The following AACS variants were observed in gnomAD, a reference collection of about 807,000 sequenced individuals.
AACS encodes acetoacetate-CoA ligase.
In AACS, 69 loss-of-function variants were observed where a neutral mutation model predicts 83.1. The ratio of observed to expected loss-of-function variants is 0.83; its 90% CI spans 0.68 to 1.01. The LOEUF is 1.01. Ranked by LOEUF, AACS falls within the 50% of genes least tolerant of loss-of-function variation. The probability of loss-of-function intolerance (pLI) is 0.00; values close to 1 mark genes in which losing one functional copy is unlikely to be tolerated. For missense variants in AACS, 866 were observed against 882.2 expected, an observed-to-expected ratio of 0.98 and a Z score of 0.23; for synonymous variants, 333 against 343.4, an observed-to-expected ratio of 0.97 and a Z score of 0.33.
rs11058042 is a variant in AACS, at chr12:125,130,698, C to T, written c.1549+1238C>T. ...CTTGGAGAAGACAAGTACTTTGTGA[C>T]GTGTTATATTTCCATTTTTGCCTTG... On this transcript the variant is annotated intron_variant, in intron 14 of 17. Transcript: ENST00000316519. The surrounding 1 kb of genome is among the most constrained non-coding windows in gnomAD (Gnocchi z 4.9). 0.1 allele frequency among the ~76,000 whole-genome samples: 15,620 copies of T among 152,128 alleles called. 1,090 individuals are homozygous for T. Among genetic ancestry groups the T allele is most frequent in the Non-Finnish European group, 0.16 (10,565 of 68,006 alleles).
At chr12:125,068,192 C>T (rs555730109) in intron 1 of AACS, among the ~76,000 whole-genome samples, 2 of 152,218 alleles carry the variant, frequency 1.3e-5, no homozygotes, top group South Asian at 2.1e-4. Context: ...CGTGGTGGCT[C>T]ACACCTGTAA....
intron 1 of AACS, among the ~76,000 whole-genome samples, chr12:125,068,407 C>T (rs139706428): frequency 3.9e-5 from 6 of 152,008 alleles, no homozygotes; most frequent in African/African-American, 1.5e-4. Context: ...CGCAGTGAGC[C>T]GAGATCTCGC....
intron 7 of AACS, among the ~76,000 whole-genome samples, chr12:125,104,321 G>A (rs1350875923): frequency 6.6e-6 from 1 of 152,232 alleles, no homozygotes; most frequent in Non-Finnish European, 1.5e-5. Context: ...AAGAGAGGAG[G>A]AGATGGCGGA....
In AACS at chr12:125,076,593, G is replaced by T; in HGVS notation, c.340G>T (p.Val114Phe). 6.2e-7 allele frequency: 1 copy of T among 1,614,186 alleles called. No individual in the cohort carries two copies. Among genetic ancestry groups the T allele is most frequent in the Non-Finnish European group, 8.5e-7 (1 of 1,180,018 alleles). Residue 114 changes from valine (V) to phenylalanine (F), a missense_variant, in exon 3 of 18, where the codon GTT becomes TTT. By Grantham distance (50) the Val-to-Phe change is conservative. Transcript: ENST00000316519. ...CCTGCGGCACAAAGAGAATGACAGA[G>T]TTGCCCTTTACATTGCAAGTAAGTC... ...NLLRHKENDR[V>F]ALYIAREGKE...
chr12:125,128,159 A>G lies in AACS; in HGVS notation c.1310-2A>G. 1 of 1,606,228 alleles carries G rather than the reference A, an allele frequency of 6.2e-7. No individual in the cohort carries two copies. Among genetic ancestry groups the G allele is most frequent in the Non-Finnish European group, 8.5e-7 (1 of 1,174,788 alleles). On this transcript the variant is annotated splice_acceptor_variant, in intron 12 of 17. Coordinates refer to ENST00000316519, the MANE Select transcript of AACS (RefSeq NM_023928.5). LOFTEE classifies it high-confidence loss of function. ...TGAGTCTCCCTTTGCCATTGCTTGCAGGAGGCACCGACATCATCTCCTGCT... is the reference window on the plus strand; with the variant it reads ...TGAGTCTCCCTTTGCCATTGCTTGCGGGAGGCACCGACATCATCTCCTGCT...
At chr12:125,070,158 G>A (rs1020251317) in intron 1 of AACS, among the ~76,000 whole-genome samples, 2 of 152,194 alleles carry the variant, frequency 1.3e-5, no homozygotes, top group Admixed American at 6.5e-5. Context: ...TGAAGGTGCT[G>A]TATAAACTGC....
rs1288661168 is a variant in AACS, at chr12:125,113,103, G to A, written c.916-1374G>A. Among the ~76,000 whole-genome samples, 1 of 152,198 alleles carries A rather than the reference G, an allele frequency of 6.6e-6. No individual in the cohort carries two copies. Among genetic ancestry groups the A allele is most frequent in the Non-Finnish European group, 1.5e-5 (1 of 68,048 alleles). On this transcript the variant is annotated intron_variant, in intron 8 of 17. Transcript: ENST00000316519. The surrounding 1 kb of genome is among the most constrained non-coding windows in gnomAD (Gnocchi z 4.8). ...GTTGCTGCTGTTTGTGGGCTGGGTGGCGGTTGCCTGTTTGGGATGGACTCC... is the reference window on the plus strand; with the variant it reads ...GTTGCTGCTGTTTGTGGGCTGGGTGACGGTTGCCTGTTTGGGATGGACTCC...
At chr12:125,136,444 C>G (rs1163155592) in intron 16 of AACS, among the ~76,000 whole-genome samples, 2 of 152,094 alleles carry the variant, frequency 1.3e-5, no homozygotes, top group African/African-American at 4.8e-5. Flanking sequence ...GAAGCTCTCT[C>G]TGCCTCCCCA....
chr12:125,108,795 G>A (rs1370683643), intron 8 of AACS, among the ~76,000 whole-genome samples: 1 of 150,500 alleles, frequency 6.6e-6, no homozygotes, highest in Admixed American at 6.6e-5. Context: ...AGTCTCCCAT[G>A]TAGCTGGGAT....
chr12:125,105,431 G>C (rs968554558), intron 7 of AACS: 1 of 152,216 alleles, frequency 6.6e-6, no homozygotes, highest in Non-Finnish European at 1.5e-5. Context: ...ATAACCAGGT[G>C]CCAGAGCGCT....
chr12:125,102,611 C>T (rs746068248), intron 5 of AACS, 68 bp from the exon 6 acceptor site: 46 of 1,343,808 alleles, frequency 3.4e-5, no homozygotes, highest in South Asian at 1.9e-4. Flanking sequence ...ACTACAGGCA[C>T]CCACCACCAT....
intron 4 of AACS, chr12:125,090,948 G>A (rs771184960): frequency 3.8e-5 from 7 of 186,206 alleles, no homozygotes; most frequent in Non-Finnish European, 8.1e-5. Flanking sequence ...TAACTAGTTG[G>A]GGGACCTGAG....
At chr12:125,120,257 T>A (rs1401327691) in intron 10 of AACS, 1 of 152,214 alleles carries the variant, frequency 6.6e-6, no homozygotes, top group Non-Finnish European at 1.5e-5. Context: ...TTCTGGCCAC[T>A]GTGGTCTTGG....
At chr12:125,124,273 G>A (rs984806513) in intron 10 of AACS, 1 of 161,960 alleles carries the variant, frequency 6.2e-6, no homozygotes, top group Admixed American at 5.8e-5. Context: ...CCAGCTTGGG[G>A]CAACAGAAGG....
In AACS at chr12:125,134,707, T is replaced by TG. The variant is rs1156318335; in HGVS notation, c.1620-81dup. Reference sequence around the variant, plus strand: ...AGTCCTGGGGGATGCCATGGGAAAGTGGGGGGTGACTGCCCTCCCGTGGGA... The same window carrying TG: ...AGTCCTGGGGGATGCCATGGGAAAGTGGGGGGGTGACTGCCCTCCCGTGGGA... On this transcript the variant is annotated intron_variant, in intron 15 of 17. Coordinates refer to ENST00000316519, the MANE Select transcript of AACS (RefSeq NM_023928.5). 24 of 1,457,456 alleles carry TG rather than the reference T, an allele frequency of 1.6e-5. No homozygotes were observed. In the East Asian group the frequency reaches 3.7e-4, roughly 22 times the overall value. 90.3% of individuals were successfully genotyped at this position (1,457,456 alleles called of 1,614,324 possible).
rs1956564528 is a variant in AACS, at chr12:125,094,690, C to T, written c.570+3167C>T. Among the ~76,000 whole-genome samples, 1 of 152,240 alleles carries T rather than the reference C, an allele frequency of 6.6e-6. No individual in the cohort carries two copies. ...CTGCCCACCTCCTTCTGCCTGCTCT[C>T]TGCTGGCTGCCTGGGCATCTCAGCT... On this transcript the variant is annotated intron_variant, in intron 5 of 17. Coordinates refer to ENST00000316519, the MANE Select transcript of AACS (RefSeq NM_023928.5). This position sits in a 1 kb window ranked among gnomAD's most constrained non-coding sequence, Gnocchi z 4.1.
intron 12 of AACS, chr12:125,127,875 G>A: frequency 3.9e-6 from 1 of 253,394 alleles, no homozygotes; most frequent in Non-Finnish European, 7.5e-6. Context: ...GCGATCCTGA[G>A]TCTTGAATTT....
chr12:125,090,204 CCATT>C (rs371133027), intron 4 of AACS, among the ~76,000 whole-genome samples: 133 of 1,370 alleles, frequency 0.097, 38 homozygotes, highest in South Asian at 0.19. Context: ...ACCCATTTAC[CCATT>C]ATCCATCTAT....
At chr12:125,116,329 G>T (rs918188003) in intron 9 of AACS, among the ~76,000 whole-genome samples, 1 of 152,180 alleles carries the variant, frequency 6.6e-6, no homozygotes, top group Non-Finnish European at 1.5e-5. Flanking sequence ...ACAATGGAAA[G>T]AACTCAAAAA....
Sources: allele counts gnomAD v4.1 joint callset (sites outside exome capture counted in the v4.1 genomes callset), GRCh38; gene constraint gnomAD v4.1.1; non-coding constraint Gnocchi (gnomAD v3.1); transcripts MANE v1.5; gene names NCBI Gene and HGNC (gene_info 2026-07-23, HGNC 2026-07-21).